Variants in DACH1 observed in about 807,000 individuals in gnomAD.
DACH1 encodes dachshund homolog 1.
In DACH1, 12 loss-of-function variants were observed where a neutral mutation model predicts 54.2. That is an observed-to-expected ratio of 0.22 (90% CI 0.14 to 0.36). DACH1 has a LOEUF of 0.36. Ranked by LOEUF, DACH1 falls within the 10% of genes least tolerant of loss-of-function variation. The pLI, the probability that DACH1 is intolerant of heterozygous loss-of-function variation, is 1.00. For synonymous variants in DACH1, 386 were observed against 366.2 expected (o/e 1.05, Z -0.62); for missense variants, 805 against 929.8 (o/e 0.87, Z 1.75).
At chr13:71,662,569 C>G (rs779054102) in intron 2 of DACH1, among the ~76,000 whole-genome samples, 9 of 151,964 alleles carry the variant, frequency 5.9e-5, no homozygotes, top group Non-Finnish European at 1.3e-4. Flanking sequence ...TGATAAATCC[C>G]AATAGATGGT....
chr13:71,507,440 G>A (rs1880427251), intron 6 of DACH1, among the ~76,000 whole-genome samples: 1 of 152,134 alleles, frequency 6.6e-6, no homozygotes, highest in African/African-American at 2.4e-5. Flanking sequence ...TTTTACAATT[G>A]TTAAATTTAA....
intron 2 of DACH1, among the ~76,000 whole-genome samples, chr13:71,670,069 T>C (rs578138022): frequency 6.6e-6 from 1 of 151,054 alleles, no homozygotes; most frequent in East Asian, 1.9e-4. Context: ...AGGAATTAGG[T>C]CTGTGGCAAC....
At position 71,779,471 on chromosome 13, in the gene DACH1, C is replaced by T. The variant is rs1055540392; in HGVS notation, c.848+86451G>A. ...GAAAATAGAATGCAGAAAGTGGCAACGCAAAATATACTTTGAGTAAGACAC... is the reference window on the plus strand; with the variant it reads ...GAAAATAGAATGCAGAAAGTGGCAATGCAAAATATACTTTGAGTAAGACAC... On this transcript the variant is annotated intron_variant, in intron 1 of 10. Coordinates refer to ENST00000613252, the MANE Select transcript of DACH1 (RefSeq NM_080759.6). 5.7e-4 allele frequency among the ~76,000 whole-genome samples: 87 copies of T among 151,808 alleles called. 1 individual carries two copies. The highest frequency in any genetic ancestry group is 3.4e-3 in the Middle Eastern group (1 of 292).
At chr13:71,853,449 C>A (rs1048530191) in intron 1 of DACH1, among the ~76,000 whole-genome samples, 1 of 152,130 alleles carries the variant, frequency 6.6e-6, no homozygotes, top group Non-Finnish European at 1.5e-5. Flanking sequence ...TCAAGGACAA[C>A]AGGATAAGGT....
intron 10 of DACH1, among the ~76,000 whole-genome samples, chr13:71,446,185 C>T (rs1226733736): frequency 6.6e-6 from 1 of 152,132 alleles, no homozygotes; most frequent in Non-Finnish European, 1.5e-5. Flanking sequence ...TTAAAGGTTA[C>T]TCGTTGTACA....
Position 71,865,948 on chromosome 13 carries a change from G to A in DACH1, c.822C>T (p.Thr274=), listed in dbSNP as rs1176655709. 2 of 1,613,548 alleles carry A rather than the reference G, an allele frequency of 1.2e-6. No homozygotes were observed. Among genetic ancestry groups the A allele is most frequent in the Non-Finnish European group, 1.7e-6 (2 of 1,179,756 alleles). Residue 274 remains threonine (T), a synonymous_variant, in exon 1 of 11, where the codon ACC becomes ACT. Coordinates refer to ENST00000613252, the MANE Select transcript of DACH1 (RefSeq NM_080759.6). ...CKLISRKDFE[T]LYNDCTNASS... ...TTGCGTTGGTGCAGTCATTGTAGAGGGTCTCGAAGTCCTTCCTGGAGATGA... is the reference window on the plus strand; with the variant it reads ...TTGCGTTGGTGCAGTCATTGTAGAGAGTCTCGAAGTCCTTCCTGGAGATGA...
At chr13:71,741,156 T>C (rs929325369) in intron 1 of DACH1, among the ~76,000 whole-genome samples, 3 of 152,208 alleles carry the variant, frequency 2.0e-5, no homozygotes, top group African/African-American at 7.2e-5. Context: ...TATGTACATA[T>C]CATCTTCCCA....
At chr13:71,792,897 T>C (rs1886892603) in intron 1 of DACH1, among the ~76,000 whole-genome samples, 1 of 152,144 alleles carries the variant, frequency 6.6e-6, no homozygotes, top group South Asian at 2.1e-4. Flanking sequence ...GAGGACAGAA[T>C]GAAAGAAAGA....
chr13:71,812,214 T>C (rs948106411), intron 1 of DACH1, among the ~76,000 whole-genome samples: 2 of 152,216 alleles, frequency 1.3e-5, no homozygotes, highest in Non-Finnish European at 2.9e-5. Flanking sequence ...AAAAAAAGTT[T>C]CCACTCTGAA....
intron 1 of DACH1, among the ~76,000 whole-genome samples, chr13:71,744,359 T>C: frequency 6.6e-6 from 1 of 152,124 alleles, no homozygotes; most frequent in East Asian, 1.9e-4. Context: ...CCTGATACGG[T>C]TCAAGAAAGA....
chr13:71,838,693 T>C (rs1331964358), intron 1 of DACH1, among the ~76,000 whole-genome samples: 1 of 152,188 alleles, frequency 6.6e-6, no homozygotes, highest in African/African-American at 2.4e-5. Context: ...TCATGACCTC[T>C]CACTTTCTCA....
chr13:71,814,735 T>C (rs1264434098), intron 1 of DACH1, among the ~76,000 whole-genome samples: 1 of 152,250 alleles, frequency 6.6e-6, no homozygotes, highest in Non-Finnish European at 1.5e-5. Flanking sequence ...CTTATAAATA[T>C]GTTATTTGTG....
intron 1 of DACH1, among the ~76,000 whole-genome samples, chr13:71,766,036 G>A (rs113607525): frequency 7.9e-5 from 12 of 151,914 alleles, no homozygotes; most frequent in African/African-American, 1.5e-4. Context: ...ACAGGCGCCC[G>A]CCACCACGTC....
chr13:71,789,860 A>G (rs1441905166), intron 1 of DACH1, among the ~76,000 whole-genome samples: 2 of 152,180 alleles, frequency 1.3e-5, no homozygotes, highest in African/African-American at 2.4e-5. Context: ...TAACAACAAC[A>G]ACAAAAAATG....
At chr13:71,571,836 C>G (rs542281450) in intron 4 of DACH1, among the ~76,000 whole-genome samples, 2 of 150,218 alleles carry the variant, frequency 1.3e-5, no homozygotes, top group Admixed American at 6.6e-5. Context: ...CCTGGGTTCA[C>G]GCCATTCTCC....
chr13:71,793,884 A>G (rs1594229824), intron 1 of DACH1, among the ~76,000 whole-genome samples: 1 of 152,182 alleles, frequency 6.6e-6, no homozygotes, highest in South Asian at 2.1e-4. Flanking sequence ...TAACTTGACC[A>G]AGGTCGTACA....
chr13:71,657,088 C>G (rs1354472395), intron 2 of DACH1, among the ~76,000 whole-genome samples: 4 of 150,844 alleles, frequency 2.7e-5, no homozygotes, highest in Non-Finnish European at 4.4e-5. Context: ...TCCACTGCTT[C>G]TTAGTTATAA....
chr13:71,538,953 T>A (rs1798540916), intron 6 of DACH1, among the ~76,000 whole-genome samples: 1 of 152,102 alleles, frequency 6.6e-6, no homozygotes. Flanking sequence ...TGGATATTTA[T>A]GTTTATCACA....
chr13:71,809,746 T>A (rs1566514334), intron 1 of DACH1, among the ~76,000 whole-genome samples: 1 of 152,176 alleles, frequency 6.6e-6, no homozygotes, highest in African/African-American at 2.4e-5. Flanking sequence ...ATACCAGAAC[T>A]ACTGGGCCTT....
Sources: gnomAD v4.1 joint callset for allele counts (sites outside exome capture counted in the v4.1 genomes callset) on GRCh38, gnomAD v4.1.1 for gene constraint, MANE v1.5 for transcripts, NCBI Gene and HGNC (gene_info 2026-07-23, HGNC 2026-07-21) for gene names.